The following OSBPL8 variants were observed in gnomAD, a reference collection of about 807,000 sequenced individuals.
OSBPL8 encodes the protein oxysterol binding protein like 8.
Under a neutral mutation model 125.5 loss-of-function variants are expected in OSBPL8, and 59 were observed. That is an observed-to-expected ratio of 0.47 (90% CI 0.38 to 0.58). The LOEUF is 0.58. Among genes scored for constraint, OSBPL8 ranks in the 20% least tolerant of loss-of-function variants. OSBPL8 has a pLI of 0.00. For synonymous variants in OSBPL8, 330 were observed against 338.9 expected, an observed-to-expected ratio of 0.97 and a Z score of 0.29; for missense variants, 758 against 1,047.8, an observed-to-expected ratio of 0.72 and a Z score of 3.82.
At chr12:76,398,252 A>C (rs1411870922) in intron 7 of OSBPL8, among the ~76,000 whole-genome samples, 1 of 152,176 alleles carries the variant, frequency 6.6e-6, no homozygotes, top group East Asian at 1.9e-4. Context: ...ATTTGTGTGC[A>C]TATGATGATT....
Position 76,352,436 on chromosome 12 carries a change from T to C in OSBPL8, c.*3453A>G, listed in dbSNP as rs1354431662. The C allele has an allele frequency of 6.6e-6, 1 of 152,450 alleles. No individual in the cohort carries two copies. 9.4% of individuals were successfully genotyped at this position (152,450 alleles called of 1,614,324 possible). A position where few individuals can be genotyped will look rare whatever the true frequency, so the allele number is the denominator to read the frequency against. ...AGAGTAACAAAAAGTAAATTAAATA[T>C]ACTAAACTCACACAACAGGTAGAAT... On this transcript the variant is annotated 3_prime_UTR_variant, in exon 24 of 24. Coordinates refer to ENST00000261183, the MANE Select transcript of OSBPL8 (RefSeq NM_020841.5).
At chr12:76,381,829 G>A (rs1953067801) in intron 15 of OSBPL8, among the ~76,000 whole-genome samples, 1 of 151,584 alleles carries the variant, frequency 6.6e-6, no homozygotes, top group Non-Finnish European at 1.5e-5. Flanking sequence ...CTGCCTCCCG[G>A]GTTCAAGTGA....
chr12:76,420,698 G>A (rs939443882), intron 4 of OSBPL8, among the ~76,000 whole-genome samples: 2 of 151,946 alleles, frequency 1.3e-5, no homozygotes, highest in African/African-American at 2.4e-5. Flanking sequence ...AAAAGCAAAT[G>A]CATCTAAAAT....
intron 6 of OSBPL8, among the ~76,000 whole-genome samples, chr12:76,401,100 A>G (rs760187394): frequency 3.3e-5 from 5 of 152,020 alleles, no homozygotes; most frequent in Non-Finnish European, 4.4e-5. Flanking sequence ...CCTCTTTTTA[A>G]TTACACAATG....
At chr12:76,385,522 T>C (rs1225696083) in intron 14 of OSBPL8, among the ~76,000 whole-genome samples, 1 of 152,060 alleles carries the variant, frequency 6.6e-6, no homozygotes, top group Non-Finnish European at 1.5e-5. Context: ...AGGTAAACGA[T>C]ACAAATGTTA....
At chr12:76,451,391 T>C (rs775514646) in intron 3 of OSBPL8, among the ~76,000 whole-genome samples, 8 of 152,154 alleles carry the variant, frequency 5.3e-5, no homozygotes, top group Admixed American at 2.6e-4. Context: ...TCAGCCTCAT[T>C]AGTAATCAGA....
intron 6 of OSBPL8, among the ~76,000 whole-genome samples, chr12:76,401,969 TAAC>T (rs1384155569): frequency 2.6e-5 from 4 of 152,196 alleles, no homozygotes; most frequent in Non-Finnish European, 4.4e-5. Flanking sequence ...TTTTAAAAAC[TAAC>T]AAAATCTTCC....
At chr12:76,400,109 T>G (rs1204404835) in intron 6 of OSBPL8, 135 bp from the exon 7 acceptor site, 1 of 660,292 alleles carries the variant, frequency 1.5e-6, no homozygotes, top group Admixed American at 3.0e-5. Flanking sequence ...TATTTTATCA[T>G]TCAGGTATTA....
At position 76,389,835 on chromosome 12, in the gene OSBPL8, T is replaced by C. The variant is rs777559233; in HGVS notation, c.1168-6A>G. On this transcript the variant is annotated splice_polypyrimidine_tract_variant and splice_region_variant and intron_variant, in intron 11 of 23. Coordinates refer to ENST00000261183, the MANE Select transcript of OSBPL8 (RefSeq NM_020841.5). ...GTTTGAGAAGCCTCACCTGCCTTTA[T>C]CAATTAATGAAAATTACCAAAACAT... The C allele has an allele frequency of 1.4e-6, 2 of 1,479,612 alleles. No individual in the cohort carries two copies. The highest frequency in any genetic ancestry group is 1.8e-4 in the Middle Eastern group (1 of 5,534). 91.7% of individuals were successfully genotyped at this position (1,479,612 alleles called of 1,614,324 possible). A position where few individuals can be genotyped will look rare whatever the true frequency, so the allele number is the denominator to read the frequency against.
At chr12:76,471,666 C>A (rs1325179648) in intron 2 of OSBPL8, among the ~76,000 whole-genome samples, 1 of 152,158 alleles carries the variant, frequency 6.6e-6, no homozygotes, top group African/African-American at 2.4e-5. Flanking sequence ...CACAGCCTAC[C>A]AAAATTGGAG....
At chr12:76,481,822 G>A (rs898760622) in intron 2 of OSBPL8, among the ~76,000 whole-genome samples, 3 of 152,194 alleles carry the variant, frequency 2.0e-5, no homozygotes, top group African/African-American at 7.2e-5. Flanking sequence ...AAAAAGTGGT[G>A]TAATTCCATT....
intron 4 of OSBPL8, among the ~76,000 whole-genome samples, chr12:76,421,012 C>T (rs1869406296): frequency 6.6e-6 from 1 of 151,920 alleles, no homozygotes; most frequent in Non-Finnish European, 1.5e-5. Context: ...ACAAGATAAA[C>T]TGACAATTTT....
chr12:76,543,358 G>A (rs1266239356), intron 1 of OSBPL8, among the ~76,000 whole-genome samples: 6 of 152,040 alleles, frequency 3.9e-5, no homozygotes, highest in Admixed American at 6.6e-5. Context: ...CCATCTGGGA[G>A]TTTAAAACAA....
At chr12:76,485,397 C>A (rs939045440) in intron 2 of OSBPL8, among the ~76,000 whole-genome samples, 8 of 151,994 alleles carry the variant, frequency 5.3e-5, no homozygotes, top group African/African-American at 9.7e-5. Flanking sequence ...CATGGAGAAA[C>A]CCTGTCCCTA....
rs553302830 is a variant in OSBPL8 at position 76,432,030 on chromosome 12, C to G, written c.217+18821G>C. 3.3e-5 allele frequency among the ~76,000 whole-genome samples: 5 copies of G among 152,192 alleles called. No homozygotes were observed. In the East Asian group the frequency reaches 9.6e-4, roughly 29 times the overall value. On this transcript the variant is annotated intron_variant, in intron 4 of 23. Transcript: ENST00000261183. ...AAAAGATCAAAATAATATCAAGTAT[C>G]TTTATCACAAAGGAACGAAACAGTA...
chr12:76,496,950 A>G (rs1879340305), intron 1 of OSBPL8, among the ~76,000 whole-genome samples: 1 of 152,106 alleles, frequency 6.6e-6, no homozygotes, highest in Non-Finnish European at 1.5e-5. Context: ...AAGTGCTGGG[A>G]TTACAGACAT....
chr12:76,375,196 T>A (rs191711000), intron 17 of OSBPL8, 77 bp downstream of exon 17: 1 of 951,612 alleles, frequency 1.1e-6, no homozygotes, highest in African/African-American at 1.6e-5. Context: ...AATTAGGAAA[T>A]ACATGGTGCC....
At chr12:76,415,192 A>G (rs780238417) in intron 4 of OSBPL8, among the ~76,000 whole-genome samples, 3 of 151,586 alleles carry the variant, frequency 2.0e-5, no homozygotes, top group South Asian at 2.1e-4. Flanking sequence ...AGAACTCGGT[A>G]TCTACCTGAA....
intron 21 of OSBPL8, among the ~76,000 whole-genome samples, chr12:76,368,879 C>G (rs968305901): frequency 6.6e-6 from 1 of 152,116 alleles, no homozygotes; most frequent in African/African-American, 2.4e-5. Flanking sequence ...GGGACTTACA[C>G]TGGCAACGCA....
Sources: allele counts gnomAD v4.1 joint callset (sites outside exome capture counted in the v4.1 genomes callset), GRCh38; gene constraint gnomAD v4.1.1; transcripts MANE v1.5; gene names NCBI Gene and HGNC (gene_info 2026-07-23, HGNC 2026-07-21).